Variants in SORCS2 observed in about 807,000 individuals in gnomAD.
The protein encoded by SORCS2 is sortilin related VPS10 domain containing receptor 2, also known as VPS10 domain-containing receptor SorCS2.
In SORCS2, 100 loss-of-function variants were observed where a neutral mutation model predicts 141.6. The observed-to-expected ratio is 0.71, with a 90% CI of 0.60 to 0.83. SORCS2 has a LOEUF of 0.83. SORCS2 is among the 40% of genes least tolerant of loss of function. SORCS2 has a pLI of 0.00. For missense variants in SORCS2, 1,646 were observed against 1,560.2 expected (o/e 1.05, Z -0.93); for synonymous variants, 789 against 676.9 (o/e 1.17, Z -2.57).
chr4:7,467,231 C>T lies in SORCS2; in HGVS notation c.549-64299C>T, dbSNP rs879762529. Among the ~76,000 whole-genome samples, 83 of 152,130 alleles carry T rather than the reference C, an allele frequency of 5.5e-4. 1 individual carries two copies. Among genetic ancestry groups the T allele is most frequent in the African/African-American group, 1.9e-3 (79 of 41,430 alleles). ...GCTGTTGGAAGCTGCCAGACATGGG[C>T]GAATGACGTGTCATCCACAGCCCCC... is the stretch of plus-strand genomic sequence containing the variant. On this transcript the variant is annotated intron_variant, in intron 2 of 26. Coordinates refer to ENST00000507866, the MANE Select transcript of SORCS2 (RefSeq NM_020777.3).
intron 2 of SORCS2, among the ~76,000 whole-genome samples, chr4:7,444,445 G>T (rs1420108966): frequency 1.3e-5 from 2 of 152,206 alleles, no homozygotes; most frequent in Non-Finnish European, 2.9e-5. Context: ...ACTTGGAGGA[G>T]TTGAGAGAGG....
chr4:7,390,126 A>T (rs1723759498), intron 1 of SORCS2, among the ~76,000 whole-genome samples: 2 of 152,180 alleles, frequency 1.3e-5, no homozygotes, highest in Non-Finnish European at 2.9e-5. Flanking sequence ...GCGGGCTTTC[A>T]GGGGCCTTGG....
intron 1 of SORCS2, among the ~76,000 whole-genome samples, chr4:7,278,300 A>T (rs1715641915): frequency 6.6e-6 from 1 of 152,094 alleles, no homozygotes; most frequent in African/African-American, 2.4e-5. Context: ...GCCAGCACTG[A>T]TGTCTGCCTG....
intron 1 of SORCS2, among the ~76,000 whole-genome samples, chr4:7,368,701 T>TC (rs1722063050): frequency 1.3e-5 from 2 of 152,176 alleles, no homozygotes; most frequent in African/African-American, 4.8e-5. Flanking sequence ...CAGTTTTAAG[T>TC]TTGAAGTTGG....
intron 4 of SORCS2, among the ~76,000 whole-genome samples, chr4:7,639,695 CTG>C (rs777443378): frequency 0.043 from 5,801 of 133,570 alleles, 378 homozygotes; most frequent in African/African-American, 0.15. Context: ...GTGTGGGTGT[CTG>C]TGTGTGAATG....
At chr4:7,493,729 G>A (rs1036372556) in intron 2 of SORCS2, among the ~76,000 whole-genome samples, 67 of 152,294 alleles carry the variant, frequency 4.4e-4, no homozygotes, top group African/African-American at 1.5e-3. Flanking sequence ...GAGAACACGC[G>A]GAGCCATGTC....
At chr4:7,676,013 C>T (rs377385378) in intron 8 of SORCS2, 37 bp from the exon 9 acceptor site, 251 of 1,551,812 alleles carry the variant, frequency 1.6e-4, no homozygotes, top group Non-Finnish European at 2.0e-4. Flanking sequence ...AGCCCCCAGC[C>T]TGGCTCTGAC....
At chr4:7,267,490 A>T (rs1299969241) in intron 1 of SORCS2, among the ~76,000 whole-genome samples, 1 of 152,136 alleles carries the variant, frequency 6.6e-6, no homozygotes, top group East Asian at 1.9e-4. Context: ...CTGGCCCGTA[A>T]GCAGAACTCG....
rs1312198316 is a variant in SORCS2, at chr4:7,201,024, A to G, written c.480+7898A>G. 6.6e-6 allele frequency among the ~76,000 whole-genome samples: 1 copy of G among 152,092 alleles called. No homozygotes were observed. Among genetic ancestry groups the G allele is most frequent in the Non-Finnish European group, 1.5e-5 (1 of 68,010 alleles). On this transcript the variant is annotated intron_variant, in intron 1 of 26. Transcript: ENST00000507866. This position sits in a 1 kb window ranked among gnomAD's most constrained non-coding sequence, Gnocchi z 4.4. Reference sequence around the variant, plus strand: ...TGAGGATTCAGTGAGGGGCCAAGTCAAACTTGGCCCCTGCGCGGGTGAAAT... The same window carrying G: ...TGAGGATTCAGTGAGGGGCCAAGTCGAACTTGGCCCCTGCGCGGGTGAAAT...
At position 7,740,564 on chromosome 4, in the gene SORCS2, C is replaced by G. The variant is rs765722682; in HGVS notation, c.*300C>G. 4.4e-6 allele frequency: 2 copies of G among 456,814 alleles called. No individual in the cohort carries two copies. The highest frequency in any genetic ancestry group is 1.9e-5 in the African/African-American group (1 of 51,464). 28.3% of individuals were successfully genotyped at this position (456,814 alleles called of 1,614,324 possible). On this transcript the variant is annotated 3_prime_UTR_variant, in exon 27 of 27. Coordinates refer to ENST00000507866, the MANE Select transcript of SORCS2 (RefSeq NM_020777.3). ...CCGCCCCACGTGCTGTCGCTCAGCC[C>G]GAGGCCTGACTTCTCTGGGCTGAGG...
At chr4:7,703,968 A>G (rs2109016814) in intron 13 of SORCS2, among the ~76,000 whole-genome samples, 1 of 152,208 alleles carries the variant, frequency 6.6e-6, no homozygotes, top group Middle Eastern at 3.4e-3. Context: ...CCCAGAAAAC[A>G]CCCCCAGGGC....
intron 3 of SORCS2, among the ~76,000 whole-genome samples, chr4:7,597,809 T>C (rs991345999): frequency 1.3e-5 from 2 of 151,872 alleles, no homozygotes; most frequent in Admixed American, 1.3e-4. Context: ...GAAAGGAGTT[T>C]TCTTTCATTG....
chr4:7,604,159 G>A (rs1717911072), intron 3 of SORCS2, among the ~76,000 whole-genome samples: 1 of 152,006 alleles, frequency 6.6e-6, no homozygotes, highest in African/African-American at 2.4e-5. Context: ...GTGGCTTTAG[G>A]GACTGATATG....
At chr4:7,724,169 G>GTGATAGTGGTGGTGGTGGTGGTGA (rs1553808188) in intron 19 of SORCS2, among the ~76,000 whole-genome samples, 15 of 147,588 alleles carry the variant, frequency 1.0e-4, no homozygotes, top group African/African-American at 3.6e-4. Context: ...GGTGATGGTG[G>GTGATAGTGGTGGTGGTGGTGGTGA]TGATGGTGAT....
chr4:7,425,772 C>A (rs11727231), intron 2 of SORCS2, among the ~76,000 whole-genome samples: 1 of 152,086 alleles, frequency 6.6e-6, no homozygotes, highest in African/African-American at 2.4e-5. Flanking sequence ...ACATGACCAG[C>A]CTGGGGTCCC....
chr4:7,614,071 C>T (rs539541255), intron 3 of SORCS2, among the ~76,000 whole-genome samples: 9 of 151,700 alleles, frequency 5.9e-5, no homozygotes, highest in African/African-American at 1.2e-4. Flanking sequence ...CCACCAACCA[C>T]GATCCATTCA....
At chr4:7,697,117 G>A (rs1231451734) in intron 11 of SORCS2, 81 bp from the exon 12 acceptor site, 1 of 1,264,982 alleles carries the variant, frequency 7.9e-7, no homozygotes, top group East Asian at 2.6e-5. Context: ...CGTTGCTTGA[G>A]GTTTTTCCAT....
chr4:7,282,991 T>C (rs4689101), intron 1 of SORCS2, among the ~76,000 whole-genome samples: 131 of 152,326 alleles, frequency 8.6e-4, no homozygotes, highest in African/African-American at 3.0e-3. Flanking sequence ...ATTCATTCAT[T>C]CATCCATTAA....
In SORCS2 at chr4:7,244,276, G is replaced by A. The variant is rs368740394; in HGVS notation, c.480+51150G>A. On this transcript the variant is annotated intron_variant, in intron 1 of 26. Coordinates refer to ENST00000507866, the MANE Select transcript of SORCS2 (RefSeq NM_020777.3). ...TCCACTTGGAACAAGCTTGGGGGGT[G>A]AGTTTCTCCAGCTCATGCACTCCCC... 6.2e-4 allele frequency among the ~76,000 whole-genome samples: 94 copies of A among 152,320 alleles called. 2 individuals carry two copies. The highest frequency in any genetic ancestry group is 2.0e-3 in the African/African-American group (84 of 41,588).
Sources: allele counts gnomAD v4.1 joint callset (sites outside exome capture counted in the v4.1 genomes callset), GRCh38; gene constraint gnomAD v4.1.1; non-coding constraint Gnocchi (gnomAD v3.1); transcripts MANE v1.5; gene names NCBI Gene and HGNC (gene_info 2026-07-23, HGNC 2026-07-21).